RWDD2B: variants seen among roughly 807,000 people sequenced by gnomAD.
RWDD2B encodes RWD domain containing 2B, also known as RWD domain-containing protein 2B.
RWDD2B carries 36 observed loss-of-function variants against 33.6 expected under a neutral mutation model. The ratio of observed to expected loss-of-function variants is 1.07; its 90% confidence interval spans 0.82 to 1.42. The LOEUF (loss-of-function observed/expected upper bound fraction) is 1.42. Ranked by LOEUF, RWDD2B falls within the 40% of genes most tolerant of loss-of-function variation. RWDD2B has a pLI of 0.00. For synonymous variants in RWDD2B, 126 were observed against 133.1 expected, an observed-to-expected ratio of 0.95 and a Z score of 0.37; for missense variants, 364 against 377.5, an observed-to-expected ratio of 0.96 and a Z score of 0.30.
chr21:29,014,004 A>G (rs1424041486), intron 1 of RWDD2B, among the ~76,000 whole-genome samples: 1 of 152,134 alleles, frequency 6.6e-6, no homozygotes, highest in East Asian at 1.9e-4. Context: ...GTATATTTCT[A>G]TTGGATGTTA....
chr21:29,012,201 G>A (rs1481768275), intron 1 of RWDD2B, among the ~76,000 whole-genome samples: 2 of 149,870 alleles, frequency 1.3e-5, no homozygotes, highest in African/African-American at 4.9e-5. Context: ...GGTGAGGGGC[G>A]CCTCTGCCCG....
At chr21:29,011,516 C>T (rs1362748607) in intron 1 of RWDD2B, among the ~76,000 whole-genome samples, 4 of 151,034 alleles carry the variant, frequency 2.6e-5, no homozygotes, top group Admixed American at 6.6e-5. Context: ...ACCCGGCAGC[C>T]ACCTCGTCCG....
At position 29,007,923 on chromosome 21, in the gene RWDD2B, G is replaced by A. The variant is rs765505078; in HGVS notation, c.563C>T (p.Thr188Met). 2.3e-5 allele frequency: 37 copies of A among 1,614,066 alleles called. No individual in the cohort carries two copies. Among genetic ancestry groups the A allele is most frequent in the Middle Eastern group, 1.6e-4 (1 of 6,084 alleles). Reference sequence around the variant, plus strand: ...ATGATGGCTGTAGATCCAGAGTCTCGTGAAGATGAGGTCAACTGACTGGAC... The same window carrying A: ...ATGATGGCTGTAGATCCAGAGTCTCATGAAGATGAGGTCAACTGACTGGAC... ...STVQSVDLIF[T>M]RLWIYSHHIY... The change falls in exon 4 of 5, where the codon ACG (threonine) becomes ATG (methionine). Residue 188 changes from threonine (T) to methionine (M), a missense_variant. By Grantham distance (81) the Thr-to-Met change is moderately conservative (BLOSUM62 -1). Transcript: ENST00000493196.
At chr21:29,015,517 C>A (rs963693301) in intron 1 of RWDD2B, among the ~76,000 whole-genome samples, 4 of 150,758 alleles carry the variant, frequency 2.7e-5, no homozygotes, top group African/African-American at 9.7e-5. Context: ...GTGTGAGCCG[C>A]CACACCTAGT....
Position 29,006,130 on chromosome 21 carries a change from A to T in RWDD2B, c.*287T>A, listed in dbSNP as rs982290825. 4.3e-6 allele frequency: 1 copy of T among 230,800 alleles called. No individual in the cohort carries two copies. The highest frequency in any genetic ancestry group is 2.3e-5 in the African/African-American group (1 of 43,732). 14.3% of individuals were successfully genotyped at this position (230,800 alleles called of 1,614,324 possible). On this transcript the variant is annotated 3_prime_UTR_variant, in exon 5 of 5. Transcript: ENST00000493196. Reference sequence around the variant, plus strand: ...GAAGGGGGTTGGGAATGGCTGGCAAATTGGAGCACCAACATTACCTTTATG... The same window carrying T: ...GAAGGGGGTTGGGAATGGCTGGCAATTTGGAGCACCAACATTACCTTTATG...
intron 1 of RWDD2B, among the ~76,000 whole-genome samples, chr21:29,011,335 C>T (rs13048520): frequency 0.89 from 129,590 of 145,632 alleles, 57,846 homozygotes; most frequent in African/African-American, 0.95. Flanking sequence ...GTCCGGGATG[C>T]GAGGAGCGTC....
intron 1 of RWDD2B, chr21:29,009,499 A>C (rs1157546882): frequency 1.4e-5 from 2 of 148,126 alleles, no homozygotes; most frequent in Non-Finnish European, 3.0e-5. Context: ...CGTTCACGCC[A>C]TTCTCCTGCC....
intron 1 of RWDD2B, among the ~76,000 whole-genome samples, chr21:29,011,573 T>G (rs371762047): frequency 0.19 from 19,025 of 99,526 alleles, 1,690 homozygotes; most frequent in African/African-American, 0.3. Context: ...CAGCCGCCCC[T>G]TCCGGGAGGG....
At chr21:29,016,689 T>G (rs1303737040) in intron 1 of RWDD2B, among the ~76,000 whole-genome samples, 2 of 152,180 alleles carry the variant, frequency 1.3e-5, no homozygotes, top group Admixed American at 6.5e-5. Flanking sequence ...GGGTGGTTAT[T>G]AGAGGAAATG....
In RWDD2B at chr21:29,007,923, G is replaced by T; in HGVS notation, c.563C>A (p.Thr188Lys). ...ATGATGGCTGTAGATCCAGAGTCTC[G>T]TGAAGATGAGGTCAACTGACTGGAC... ...STVQSVDLIF[T>K]RLWIYSHHIY... Residue 188 changes from threonine to lysine, a missense_variant, in exon 4 of 5, where the codon ACG becomes AAG. Physicochemically the swap from Thr to Lys is moderately conservative, Grantham distance 78. Coordinates refer to ENST00000493196, the MANE Select transcript of RWDD2B (RefSeq NM_016940.3). The T allele has an allele frequency of 1.2e-6, 2 of 1,614,184 alleles. No individual in the cohort carries two copies. Among genetic ancestry groups the T allele is most frequent in the Non-Finnish European group, 1.7e-6 (2 of 1,180,034 alleles).
chr21:29,012,452 C>G (rs1170704453), intron 1 of RWDD2B, among the ~76,000 whole-genome samples: 3 of 152,048 alleles, frequency 2.0e-5, no homozygotes, highest in Non-Finnish European at 4.4e-5. Context: ...GCCTTGGGAT[C>G]CTGTAGATCT....
intron 1 of RWDD2B, among the ~76,000 whole-genome samples, chr21:29,011,704 G>A (rs2084861838): frequency 2.3e-5 from 3 of 130,526 alleles, no homozygotes; most frequent in Admixed American, 7.3e-5. Context: ...CTGCCCGGCC[G>A]CCCCTACTGG....
In RWDD2B at chr21:29,008,425, A is replaced by G. The variant is rs777150014; in HGVS notation, c.264T>C (p.Asn88=). 3 of 1,614,236 alleles carry G rather than the reference A, an allele frequency of 1.9e-6. No individual in the cohort carries two copies. The highest frequency in any genetic ancestry group is 2.5e-6 in the Non-Finnish European group (3 of 1,180,028). Residue 88 remains asparagine, a synonymous_variant, in exon 2 of 5, where the codon AAT becomes AAC. Transcript: ENST00000493196. Reference sequence around the variant, plus strand: ...TTTCGTCAGATACATCCAGGTTCATATTGATAGTAAAGTAGACTTTTGAAG... The same window carrying G: ...TTTCGTCAGATACATCCAGGTTCATGTTGATAGTAAAGTAGACTTTTGAAG... The part of the protein sequence containing the change: ...GRSSKVYFTI[N]MNLDVSDEKM...
intron 1 of RWDD2B, among the ~76,000 whole-genome samples, chr21:29,017,629 T>C (rs921059278): frequency 5.3e-5 from 8 of 151,636 alleles, no homozygotes; most frequent in Admixed American, 3.9e-4. Context: ...CAAAAAAGAA[T>C]TTTTGTACCC....
intron 1 of RWDD2B, 100 bp downstream of exon 1, chr21:29,019,111 G>A (rs903181936): frequency 4.6e-5 from 45 of 979,292 alleles, no homozygotes; most frequent in Non-Finnish European, 6.3e-5. Flanking sequence ...GGGAACCGGG[G>A]CCGCCATGCC....
rs148872424 is a variant in RWDD2B, at chr21:29,010,265, T to C, written c.68-1644A>G. On this transcript the variant is annotated intron_variant, in intron 1 of 4. Coordinates refer to ENST00000493196, the MANE Select transcript of RWDD2B (RefSeq NM_016940.3). ...TGCCATACAGAACAGAAATTTACAA[T>C]TGTACTCAGTCCCCTGCTTCTTTTC... 3.3e-3 allele frequency among the ~76,000 whole-genome samples: 501 copies of C among 152,174 alleles called. 6 individuals carry two copies. The highest frequency in any genetic ancestry group is 4.6e-3 in the Non-Finnish European group (316 of 68,014).
intron 1 of RWDD2B, among the ~76,000 whole-genome samples, chr21:29,018,701 T>TA (rs1354988978): frequency 6.6e-6 from 1 of 152,166 alleles, no homozygotes; most frequent in African/African-American, 2.4e-5. Context: ...TGTAAGATAA[T>TA]AGACTGTGGC....
chr21:29,017,863 G>A (rs2061904610), intron 1 of RWDD2B, among the ~76,000 whole-genome samples: 1 of 152,196 alleles, frequency 6.6e-6, no homozygotes, highest in Non-Finnish European at 1.5e-5. Flanking sequence ...TGAGGAAGGA[G>A]GGTGCTAGAA....
chr21:29,018,053 G>A (rs1004635087), intron 1 of RWDD2B, among the ~76,000 whole-genome samples: 2 of 152,202 alleles, frequency 1.3e-5, no homozygotes, highest in African/African-American at 4.8e-5. Flanking sequence ...TTGCTGCTAT[G>A]GAGAAAAGTG....
Sources: allele counts gnomAD v4.1 joint callset (sites outside exome capture counted in the v4.1 genomes callset), GRCh38; gene constraint gnomAD v4.1.1; transcripts MANE v1.5; gene names NCBI Gene and HGNC (gene_info 2026-07-23, HGNC 2026-07-21).